Variants in NCOA7 observed in about 807,000 individuals in gnomAD.
NCOA7 encodes the protein nuclear receptor coactivator 7, also known as 140 kDa estrogen receptor-associated protein.
In NCOA7, 45 loss-of-function variants were observed where a neutral mutation model predicts 104.3. That is an observed-to-expected ratio of 0.43 (90% confidence interval 0.34 to 0.55). The LOEUF (loss-of-function observed/expected upper bound fraction) is 0.55. NCOA7 is among the 20% of genes least tolerant of loss of function. NCOA7 has a pLI of 0.02. For missense variants in NCOA7, 1,041 were observed against 1,119.7 expected (o/e 0.93, Z 1.00); for synonymous variants, 398 against 402.3 (o/e 0.99, Z 0.13).
intron 2 of NCOA7, among the ~76,000 whole-genome samples, chr6:125,826,446 GTT>G (rs1469766584): frequency 6.6e-6 from 1 of 151,604 alleles, no homozygotes; most frequent in Non-Finnish European, 1.5e-5. Flanking sequence ...CTTCCTATTT[GTT>G]TTTAATGCAT....
rs1432327126 is a variant in NCOA7 at position 125,889,841 on chromosome 6, C to T, written c.1787C>T (p.Ser596Phe). The stretch of plus-strand genomic sequence containing the variant: ...CCCCTCCCGGTAAAACTGAACTCTT[C>T]TACAGAAGCAAATGTGATTAAAGAG... ...GEPLPVKLNS[S>F]TEANVIKEAL... Residue 596 changes from serine to phenylalanine, a missense_variant, in exon 9 of 16, where the codon TCT becomes TTT. This residue lies in a region of NCOA7 where 914 missense variants were observed against 942.7 expected (regional missense o/e 0.97). Coordinates refer to ENST00000392477, the MANE Select transcript of NCOA7 (RefSeq NM_181782.5). 1.9e-6 allele frequency: 3 copies of T among 1,613,794 alleles called. No individual in the cohort carries two copies. Among genetic ancestry groups the T allele is most frequent in the Non-Finnish European group, 2.5e-6 (3 of 1,179,918 alleles).
At chr6:125,800,458 T>G (rs1035491448) in intron 1 of NCOA7, among the ~76,000 whole-genome samples, 1 of 152,232 alleles carries the variant, frequency 6.6e-6, no homozygotes, top group Non-Finnish European at 1.5e-5. Flanking sequence ...TCAGATACTT[T>G]TATTGATGTG....
At chr6:125,814,163 A>AT (rs34175281) in intron 1 of NCOA7, among the ~76,000 whole-genome samples, 14 of 151,508 alleles carry the variant, frequency 9.2e-5, no homozygotes, top group South Asian at 6.3e-4. Context: ...ATATTTACTA[A>AT]TTTTTTTTTG....
chr6:125,792,468 G>C (rs1189530069), intron 1 of NCOA7, among the ~76,000 whole-genome samples: 2 of 152,162 alleles, frequency 1.3e-5, no homozygotes, highest in African/African-American at 4.8e-5. Flanking sequence ...GTGTTTTAAA[G>C]AAAATTGTAA....
At chr6:125,909,387 C>T (rs1331239829) in intron 10 of NCOA7, among the ~76,000 whole-genome samples, 1 of 152,168 alleles carries the variant, frequency 6.6e-6, no homozygotes, top group Non-Finnish European at 1.5e-5. Flanking sequence ...ACAGTGGGTG[C>T]CCAGGAAGTG....
At chr6:125,884,086 C>CAT (rs1784071243) in intron 7 of NCOA7, among the ~76,000 whole-genome samples, 1 of 152,156 alleles carries the variant, frequency 6.6e-6, no homozygotes, top group Non-Finnish European at 1.5e-5. Flanking sequence ...TTAGATTGCA[C>CAT]ATATGAGTGA....
At position 125,858,698 on chromosome 6, in the gene NCOA7, T is replaced by C. The variant is rs145311902; in HGVS notation, c.271+3458T>C. On this transcript the variant is annotated intron_variant, in intron 3 of 15. Coordinates refer to ENST00000392477, the MANE Select transcript of NCOA7 (RefSeq NM_181782.5). ...AAGAATAACAATGATAGCAACCGGT[T>C]TGGAGGTTTGAGGCATTTCCTCAGG... 4.3e-3 allele frequency among the ~76,000 whole-genome samples: 655 copies of C among 151,936 alleles called. 7 individuals are homozygous for C. Among genetic ancestry groups the C allele is most frequent in the African/African-American group, 0.015 (631 of 41,430 alleles).
intron 2 of NCOA7, among the ~76,000 whole-genome samples, chr6:125,819,386 A>C (rs1278486459): frequency 6.6e-6 from 1 of 151,808 alleles, no homozygotes; most frequent in Admixed American, 6.6e-5. Flanking sequence ...AGAGGGGTGG[A>C]TTAATACTGC....
intron 8 of NCOA7, among the ~76,000 whole-genome samples, chr6:125,887,573 A>AT (rs918321005): frequency 6.6e-6 from 1 of 152,170 alleles, no homozygotes; most frequent in Non-Finnish European, 1.5e-5. Flanking sequence ...ATAGGCTTTT[A>AT]TTTTCTATTG....
chr6:125,885,097 T>TGTG (rs1284013535), intron 7 of NCOA7, 62 bp from the exon 8 acceptor site: 1 of 1,561,832 alleles, frequency 6.4e-7, no homozygotes, highest in African/African-American at 1.4e-5. Context: ...ATTAAAGCTC[T>TGTG]GTGGTAGTTG....
Position 125,929,351 on chromosome 6 carries a change from A to G in NCOA7, c.*580A>G, listed in dbSNP as rs1424043101. ...TCAAATCTTGAAATATTAAATGTAT[A>G]CATTTTGTGCTATGTTTTGGGAACA... is the stretch of plus-strand genomic sequence containing the variant. On this transcript the variant is annotated 3_prime_UTR_variant, in exon 16 of 16. Transcript: ENST00000392477. The G allele has an allele frequency of 6.6e-6, 1 of 151,596 alleles. No homozygotes were observed. 9.4% of individuals were successfully genotyped at this position (151,596 alleles called of 1,614,324 possible).
At chr6:125,784,471 G>C (rs575661044) in intron 1 of NCOA7, among the ~76,000 whole-genome samples, 2 of 152,316 alleles carry the variant, frequency 1.3e-5, no homozygotes, top group South Asian at 4.1e-4. Context: ...CTAGAAAATA[G>C]TTTGGCAGTT....
chr6:125,867,374 T>C (rs902120357), intron 3 of NCOA7, among the ~76,000 whole-genome samples: 11 of 152,380 alleles, frequency 7.2e-5, no homozygotes, highest in African/African-American at 2.2e-4. Context: ...TAAATTGATA[T>C]TGGTAATGTT....
intron 12 of NCOA7, 131 bp downstream of exon 12, chr6:125,921,199 C>T: frequency 8.1e-7 from 1 of 1,241,858 alleles, no homozygotes; most frequent in Non-Finnish European, 1.1e-6. Context: ...CACTTGAGGT[C>T]AGGAGTTTGA....
At chr6:125,894,526 C>T (rs1306558036) in intron 10 of NCOA7, among the ~76,000 whole-genome samples, 4 of 152,100 alleles carry the variant, frequency 2.6e-5, no homozygotes, top group Non-Finnish European at 4.4e-5. Context: ...ACTTTATCTC[C>T]TTGTACCATA....
At chr6:125,918,313 T>A (rs1260141970) in intron 11 of NCOA7, among the ~76,000 whole-genome samples, 1 of 152,192 alleles carries the variant, frequency 6.6e-6, no homozygotes, top group Admixed American at 6.5e-5. Context: ...AAATAATAAA[T>A]GTCCGCTGTC....
chr6:125,851,630 G>A (rs1781136833), intron 2 of NCOA7, among the ~76,000 whole-genome samples: 1 of 152,152 alleles, frequency 6.6e-6, no homozygotes, highest in South Asian at 2.1e-4. Flanking sequence ...TGCAATTGCT[G>A]GATCGAATGG....
At chr6:125,807,854 A>C (rs527978471) in intron 1 of NCOA7, among the ~76,000 whole-genome samples, 2 of 152,358 alleles carry the variant, frequency 1.3e-5, no homozygotes, top group South Asian at 4.1e-4. Context: ...TTGGTCAGTC[A>C]GTCAACACAT....
chr6:125,785,340 G>GA (rs1248728998), intron 1 of NCOA7, among the ~76,000 whole-genome samples: 2 of 151,700 alleles, frequency 1.3e-5, no homozygotes, highest in African/African-American at 2.4e-5. Flanking sequence ...TCTGTCTCAA[G>GA]AAAAAAAACT....
Sources: allele counts gnomAD v4.1 joint callset (sites outside exome capture counted in the v4.1 genomes callset), GRCh38; gene constraint gnomAD v4.1.1; regional missense constraint gnomAD v4.1.1; transcripts MANE v1.5; gene names NCBI Gene and HGNC (gene_info 2026-07-23, HGNC 2026-07-21).